Variants in AKAP13 observed in about 807,000 individuals in gnomAD.
The protein encoded by AKAP13 is A-kinase anchoring protein 13, also known as A-kinase anchor protein 13.
Under a neutral mutation model 264.5 loss-of-function variants are expected in AKAP13, and 80 were observed. That is an observed-to-expected ratio of 0.30 (90% CI 0.25 to 0.36). AKAP13 has a LOEUF of 0.36. Among genes scored for constraint, AKAP13 ranks in the 10% least tolerant of loss-of-function variants. The pLI, the probability that AKAP13 is intolerant of heterozygous loss-of-function variation, is 1.00. For missense variants in AKAP13, 3,712 were observed against 3,435.2 expected, an observed-to-expected ratio of 1.08 and a Z score of -2.01; for synonymous variants, 1,380 against 1,250.2, an observed-to-expected ratio of 1.10 and a Z score of -2.19.
intron 11 of AKAP13, 98 bp downstream of exon 11, chr15:85,655,885 C>T (rs1596927883): frequency 6.8e-7 from 1 of 1,480,794 alleles, no homozygotes; most frequent in Non-Finnish European, 8.9e-7. Flanking sequence ...TAGGAGACCC[C>T]ATAGTATAGA....
At chr15:85,714,910 TGAGCCAA>T (rs1331850358) in intron 19 of AKAP13, among the ~76,000 whole-genome samples, 1 of 151,952 alleles carries the variant, frequency 6.6e-6, no homozygotes, top group Non-Finnish European at 1.5e-5. Context: ...GAGCTTGCAG[TGAGCCAA>T]GATCGCGCCA....
At chr15:85,657,389 A>G (rs918449197) in intron 11 of AKAP13, among the ~76,000 whole-genome samples, 28 of 152,162 alleles carry the variant, frequency 1.8e-4, no homozygotes, top group African/African-American at 5.8e-4. Context: ...ACCTTCTTAC[A>G]CTTTCCTAAT....
intron 16 of AKAP13, among the ~76,000 whole-genome samples, chr15:85,688,598 T>C (rs1204015861): frequency 6.6e-6 from 1 of 152,200 alleles, no homozygotes; most frequent in African/African-American, 2.4e-5. Flanking sequence ...CATTCAGTTG[T>C]ATAATTGTGA....
intron 8 of AKAP13, chr15:85,619,328 A>T (rs2081075516): frequency 1.0e-6 from 1 of 972,768 alleles, no homozygotes; most frequent in African/African-American, 1.8e-5. Flanking sequence ...GGAAAAAGGG[A>T]GGAGGAGGCT....
At chr15:85,542,590 ATAGCTAAGC>A (rs1555442024) in intron 4 of AKAP13, among the ~76,000 whole-genome samples, 1 of 152,200 alleles carries the variant, frequency 6.6e-6, no homozygotes, top group Non-Finnish European at 1.5e-5. Flanking sequence ...GAAAGAGATG[ATAGCTAAGC>A]TGAGGCAGGC....
At chr15:85,526,990 T>A (rs2077073608) in intron 3 of AKAP13, among the ~76,000 whole-genome samples, 3 of 151,072 alleles carry the variant, frequency 2.0e-5, no homozygotes, top group African/African-American at 7.3e-5. Flanking sequence ...TGTCTCGCTC[T>A]GTCGCCCAGG....
At chr15:85,587,208 G>C (rs1051690335) in intron 8 of AKAP13, among the ~76,000 whole-genome samples, 1 of 152,088 alleles carries the variant, frequency 6.6e-6, no homozygotes, top group Non-Finnish European at 1.5e-5. Context: ...TTTGCTTTCT[G>C]TAAATCCATA....
At chr15:85,743,373 C>T (rs983071429) in intron 35 of AKAP13, 119 bp from the exon 36 acceptor site, 14 of 1,057,664 alleles carry the variant, frequency 1.3e-5, no homozygotes, top group South Asian at 4.7e-5. Context: ...CTGTAGAGTT[C>T]GCAGAGGTGG....
intron 16 of AKAP13, among the ~76,000 whole-genome samples, chr15:85,686,834 G>A (rs1401460725): frequency 1.3e-5 from 2 of 152,168 alleles, no homozygotes; most frequent in Admixed American, 1.3e-4. Flanking sequence ...GTGTTAACAG[G>A]CACCTAAGAG....
chr15:85,733,563 C>CT (rs1376935614), intron 30 of AKAP13, among the ~76,000 whole-genome samples: 2 of 152,104 alleles, frequency 1.3e-5, no homozygotes, highest in African/African-American at 4.8e-5. Context: ...GTTCCCTTTG[C>CT]TTTGGTCTTC....
chr15:85,682,173 A>G lies in AKAP13; in HGVS notation c.5117A>G (p.His1706Arg). 1.2e-6 allele frequency: 2 copies of G among 1,613,566 alleles called. No individual in the cohort carries two copies. The highest frequency in any genetic ancestry group is 2.2e-5 in the South Asian group (2 of 91,078). Reference protein sequence around the residue: ...HPGLDNSRPFHSTFHNTSANL... With the variant: ...HPGLDNSRPFRSTFHNTSANL... The stretch of plus-strand genomic sequence containing the variant: ...TGTTTTCTAGATTCACGGCCCTTCC[A>G]CAGTACCTTCCACAATACCAGTGCT... The change falls in exon 15 of 37, where the codon CAC (histidine) becomes CGC (arginine). Residue 1706 changes from histidine to arginine, a missense_variant. Physicochemically the swap from His to Arg is conservative, Grantham distance 29. Coordinates refer to ENST00000394518, the MANE Select transcript of AKAP13 (RefSeq NM_007200.5).
intron 17 of AKAP13, among the ~76,000 whole-genome samples, chr15:85,697,633 TA>T (rs1391926992): frequency 6.6e-6 from 1 of 152,128 alleles, no homozygotes; most frequent in African/African-American, 2.4e-5. Context: ...GAAAAAGACG[TA>T]ACAACTAATG....
chr15:85,443,855 CT>C (rs1206418358), intron 1 of AKAP13, among the ~76,000 whole-genome samples: 2 of 151,900 alleles, frequency 1.3e-5, no homozygotes, highest in African/African-American at 2.4e-5. Flanking sequence ...GTATTTATGA[CT>C]GTCAAGGCTA....
intron 8 of AKAP13, among the ~76,000 whole-genome samples, chr15:85,616,143 C>A (rs2080926975): frequency 6.6e-6 from 1 of 152,164 alleles, no homozygotes; most frequent in Non-Finnish European, 1.5e-5. Flanking sequence ...CCCACACCCC[C>A]ACAAAAATAT....
At chr15:85,709,161 C>T (rs566088340) in intron 18 of AKAP13, among the ~76,000 whole-genome samples, 34 of 152,252 alleles carry the variant, frequency 2.2e-4, no homozygotes, top group Non-Finnish European at 4.7e-4. Context: ...TTAAGTTCTC[C>T]TGAAAAAACT....
At chr15:85,538,339 G>C (rs2077469530) in intron 4 of AKAP13, among the ~76,000 whole-genome samples, 1 of 152,150 alleles carries the variant, frequency 6.6e-6, no homozygotes, top group Admixed American at 6.5e-5. Context: ...TTTGGGTGGA[G>C]AGGTGGAAGA....
chr15:85,498,109 C>G (rs1004474273), intron 2 of AKAP13, among the ~76,000 whole-genome samples: 3 of 151,212 alleles, frequency 2.0e-5, no homozygotes, highest in Admixed American at 2.0e-4. Context: ...AATGAGCAAA[C>G]AGTTTGGAGG....
At chr15:85,683,821 A>C (rs1021086796) in intron 15 of AKAP13, among the ~76,000 whole-genome samples, 1 of 152,224 alleles carries the variant, frequency 6.6e-6, no homozygotes, top group East Asian at 1.9e-4. Flanking sequence ...AAGTTAGAAC[A>C]TGCCCATCTT....
intron 18 of AKAP13, among the ~76,000 whole-genome samples, chr15:85,709,573 A>G (rs950790013): frequency 5.9e-5 from 9 of 152,212 alleles, no homozygotes; most frequent in Non-Finnish European, 2.9e-5. Flanking sequence ...ATAAGACTCA[A>G]TTGTTGTGAA....
Sources: allele counts gnomAD v4.1 joint callset (sites outside exome capture counted in the v4.1 genomes callset), GRCh38; gene constraint gnomAD v4.1.1; transcripts MANE v1.5; gene names NCBI Gene and HGNC (gene_info 2026-07-23, HGNC 2026-07-21).